Variants in NRBF2 observed in about 807,000 individuals in gnomAD.
The protein encoded by NRBF2 is nuclear receptor binding factor 2, also known as nuclear receptor-binding factor 2.
Under a neutral mutation model 28.5 loss-of-function variants are expected in NRBF2, and 12 were observed. The ratio of observed to expected loss-of-function variants is 0.42; its 90% CI spans 0.27 to 0.68. The LOEUF (loss-of-function observed/expected upper bound fraction) is 0.68, where lower values mean the gene tolerates loss of function less well. NRBF2 is among the 30% of genes least tolerant of loss of function. The probability of loss-of-function intolerance (pLI) is 0.24; values close to 1 mark genes in which losing one functional copy is unlikely to be tolerated. For missense variants in NRBF2, 274 were observed against 333.5 expected (o/e 0.82, Z 1.39); for synonymous variants, 102 against 116.5 (o/e 0.88, Z 0.80).
Position 63,133,463 on chromosome 10 carries a change from C to T in NRBF2, c.-8C>T, listed in dbSNP as rs747056602. Reference sequence around the variant, plus strand: ...CCCTTCCTAAGGCCGCCGCTTACCCCGGGGTCTATGGAAGTAATGGAAGGA... The same window carrying T: ...CCCTTCCTAAGGCCGCCGCTTACCCTGGGGTCTATGGAAGTAATGGAAGGA... On this transcript the variant is annotated 5_prime_UTR_variant, in exon 1 of 4. Coordinates refer to ENST00000277746, the MANE Select transcript of NRBF2 (RefSeq NM_030759.5). 4 of 1,611,778 alleles carry T rather than the reference C, an allele frequency of 2.5e-6. No individual in the cohort carries two copies. Among genetic ancestry groups the T allele is most frequent in the East Asian group, 2.2e-5 (1 of 44,570 alleles).
chr10:63,136,628 A>C (rs1011015608), intron 1 of NRBF2, among the ~76,000 whole-genome samples: 1 of 152,208 alleles, frequency 6.6e-6, no homozygotes, highest in African/African-American at 2.4e-5. Flanking sequence ...GTAATTACTT[A>C]GGTCAGTAAC....
chr10:63,146,185 A>G (rs1481361674), intron 1 of NRBF2, 24 bp from the exon 2 acceptor site: 1 of 1,580,600 alleles, frequency 6.3e-7, no homozygotes, highest in Admixed American at 1.7e-5. Context: ...GATCCAGAGG[A>G]ACTTAGGGAT....
At chr10:63,141,463 A>T (rs16918226) in intron 1 of NRBF2, among the ~76,000 whole-genome samples, 5,294 of 152,238 alleles carry the variant, frequency 0.035, 286 homozygotes, top group East Asian at 0.26. Context: ...AAATTTTTTT[A>T]AAATGCAATT....
intron 1 of NRBF2, among the ~76,000 whole-genome samples, chr10:63,144,417 C>CTTTTT (rs58418737): frequency 2.2e-5 from 3 of 138,954 alleles, no homozygotes; most frequent in East Asian, 2.1e-4. Flanking sequence ...ATTATCTTCC[C>CTTTTT]TTTTTTTTTT....
intron 1 of NRBF2, among the ~76,000 whole-genome samples, chr10:63,145,429 G>C (rs1841543971): frequency 6.6e-6 from 1 of 151,988 alleles, no homozygotes; most frequent in Non-Finnish European, 1.5e-5. Flanking sequence ...GGCTGGTCTT[G>C]AACTCCTGAC....
intron 1 of NRBF2, 97 bp from the exon 2 acceptor site, chr10:63,146,112 A>G: frequency 1.1e-6 from 1 of 905,844 alleles, no homozygotes; most frequent in Non-Finnish European, 1.8e-6. Context: ...GTGGCAACAA[A>G]ACAGTATTAT....
At chr10:63,151,372 T>G (rs986467724) in intron 2 of NRBF2, among the ~76,000 whole-genome samples, 6 of 152,182 alleles carry the variant, frequency 3.9e-5, no homozygotes, top group African/African-American at 1.4e-4. Context: ...TACAGATGAA[T>G]GTACAATAAA....
chr10:63,139,023 G>T (rs10761720), intron 1 of NRBF2, among the ~76,000 whole-genome samples: 3 of 151,422 alleles, frequency 2.0e-5, no homozygotes, highest in African/African-American at 7.3e-5. Context: ...TTTCTTTTTC[G>T]TTTTGAGACA....
chr10:63,138,430 G>T (rs1841407640), intron 1 of NRBF2, among the ~76,000 whole-genome samples: 1 of 151,492 alleles, frequency 6.6e-6, no homozygotes, highest in Non-Finnish European at 1.5e-5. Flanking sequence ...ATAGTGGTAA[G>T]CCAAGCTCAC....
chr10:63,145,138 A>C (rs1328341942), intron 1 of NRBF2, among the ~76,000 whole-genome samples: 2 of 100,756 alleles, frequency 2.0e-5, no homozygotes, highest in East Asian at 5.9e-4. Context: ...ATGGAGTTTC[A>C]CTGTTTTCAC....
At position 63,154,803 on chromosome 10, in the gene NRBF2, A is replaced by G. The variant is rs1841708366; in HGVS notation, c.*585A>G. ...TATCAGAAGAAATATTTAAATTTCC[A>G]TTTTATGAAGAAAGGAACCAAATTA... On this transcript the variant is annotated 3_prime_UTR_variant, in exon 4 of 4. Transcript: ENST00000277746. The G allele has an allele frequency of 1.3e-5, 2 of 152,670 alleles. No individual in the cohort carries two copies. Among genetic ancestry groups the G allele is most frequent in the African/African-American group, 4.8e-5 (2 of 41,458 alleles). 9.5% of individuals were successfully genotyped at this position (152,670 alleles called of 1,614,324 possible). A position where few individuals can be genotyped will look rare whatever the true frequency, so the allele number is the denominator to read the frequency against.
At chr10:63,140,651 C>T (rs537173917) in intron 1 of NRBF2, among the ~76,000 whole-genome samples, 21 of 151,618 alleles carry the variant, frequency 1.4e-4, no homozygotes, top group African/African-American at 4.6e-4. Flanking sequence ...CCTCCCACCT[C>T]GGCCTCACAG....
intron 1 of NRBF2, among the ~76,000 whole-genome samples, chr10:63,140,126 T>C (rs1841440274): frequency 6.6e-6 from 1 of 151,858 alleles, no homozygotes; most frequent in South Asian, 2.1e-4. Context: ...GGTGACAGAA[T>C]GAGACCCCAT....
At chr10:63,137,750 C>T (rs1237437192) in intron 1 of NRBF2, among the ~76,000 whole-genome samples, 1 of 152,100 alleles carries the variant, frequency 6.6e-6, no homozygotes, top group Non-Finnish European at 1.5e-5. Context: ...GCTTTAAAAT[C>T]TTCAAGGTAA....
In NRBF2 at chr10:63,154,368, T is replaced by C; in HGVS notation, c.*150T>C. 1 of 594,162 alleles carries C rather than the reference T, an allele frequency of 1.7e-6. No individual in the cohort carries two copies. The highest frequency in any genetic ancestry group is 2.3e-5 in the South Asian group (1 of 43,768). The allele number at this position is 594,162 out of a possible 1,614,324, so 36.8% of individuals were successfully genotyped here. ...TGGGAGCAGAGGCATTGCCAGGACTTGGGAAACAGTCACTGTGAAATGCGC... is the reference window on the plus strand; with the variant it reads ...TGGGAGCAGAGGCATTGCCAGGACTCGGGAAACAGTCACTGTGAAATGCGC... On this transcript the variant is annotated 3_prime_UTR_variant, in exon 4 of 4. Coordinates refer to ENST00000277746, the MANE Select transcript of NRBF2 (RefSeq NM_030759.5).
intron 1 of NRBF2, among the ~76,000 whole-genome samples, chr10:63,143,295 T>G (rs958285709): frequency 1.3e-5 from 2 of 152,214 alleles, no homozygotes; most frequent in African/African-American, 4.8e-5. Context: ...TTTCTACTTT[T>G]GTCTTCACCT....
chr10:63,140,712 T>G (rs1038793311), intron 1 of NRBF2, among the ~76,000 whole-genome samples: 1 of 151,782 alleles, frequency 6.6e-6, no homozygotes, highest in African/African-American at 2.4e-5. Context: ...TTACTTTTTT[T>G]TTTTTTGAGA....
rs1451982351 is a variant in NRBF2, at chr10:63,150,355, T to C, written c.116-1795T>C. Reference sequence around the variant, plus strand: ...AAGGGTTGTGGGAAGGATGTAATTATGGTAAGCATAGCTGGAGCAAAGACT... The same window carrying C: ...AAGGGTTGTGGGAAGGATGTAATTACGGTAAGCATAGCTGGAGCAAAGACT... On this transcript the variant is annotated intron_variant, in intron 2 of 3. Transcript: ENST00000277746. The C allele has an allele frequency of 5.1e-6, 5 of 982,000 alleles. No individual in the cohort carries two copies. The African/African-American group carries it at 5.2e-5, about 10-fold the overall frequency. 60.8% of individuals were successfully genotyped at this position (982,000 alleles called of 1,614,324 possible). A position where few individuals can be genotyped will look rare whatever the true frequency, so the allele number is the denominator to read the frequency against.
chr10:63,134,885 G>GT (rs1025622683), intron 1 of NRBF2, among the ~76,000 whole-genome samples: 37 of 152,160 alleles, frequency 2.4e-4, no homozygotes, highest in East Asian at 1.2e-3. Context: ...ACATTTGCGA[G>GT]TTTTTTTTAA....
Sources: gnomAD v4.1 joint callset for allele counts (sites outside exome capture counted in the v4.1 genomes callset) on GRCh38, gnomAD v4.1.1 for gene constraint, MANE v1.5 for transcripts, NCBI Gene and HGNC (gene_info 2026-07-23, HGNC 2026-07-21) for gene names.